KDM5A: variants seen among roughly 807,000 people sequenced by gnomAD.
KDM5A encodes lysine-specific demethylase 5A.
Under a neutral mutation model 193.5 loss-of-function variants are expected in KDM5A, and 42 were observed. The ratio of observed to expected loss-of-function variants is 0.22; its 90% CI spans 0.17 to 0.28. The LOEUF (loss-of-function observed/expected upper bound fraction) is 0.28. Among genes scored for constraint, KDM5A ranks in the 10% least tolerant of loss-of-function variants. The pLI is 1.00. For missense variants in KDM5A, 1,692 were observed against 2,055.1 expected, an observed-to-expected ratio of 0.82 and a Z score of 3.42; for synonymous variants, 796 against 718.1, an observed-to-expected ratio of 1.11 and a Z score of -1.73.
At chr12:288,697 A>G (rs371295662) in intron 27 of KDM5A, among the ~76,000 whole-genome samples, 1 of 152,348 alleles carries the variant, frequency 6.6e-6, no homozygotes, top group East Asian at 1.9e-4. Flanking sequence ...TTTCCTAGCA[A>G]AAGCTGGATT....
chr12:357,454 A>G (rs1043851551), intron 5 of KDM5A, among the ~76,000 whole-genome samples: 2 of 151,744 alleles, frequency 1.3e-5, no homozygotes, highest in African/African-American at 4.8e-5. Flanking sequence ...GCAAGCCATG[A>G]TTGTCCTACC....
chr12:368,601 G>A (rs1280146612), intron 3 of KDM5A, among the ~76,000 whole-genome samples: 1 of 152,102 alleles, frequency 6.6e-6, no homozygotes, highest in Non-Finnish European at 1.5e-5. Context: ...GCATGGTGGT[G>A]CACACCTATC....
rs1257633320 is a variant in KDM5A at position 328,996 on chromosome 12, G to A, written c.1807C>T (p.Arg603Ter). 1.9e-6 allele frequency: 3 copies of A among 1,613,998 alleles called. No individual in the cohort carries two copies. The highest frequency in any genetic ancestry group is 1.7e-6 in the Non-Finnish European group (2 of 1,180,008). Residue 603 changes from arginine to a stop codon, truncating the protein, a stop_gained, in exon 14 of 28, where the codon CGA (arginine) becomes TGA (stop). Transcript: ENST00000399788. LOFTEE classifies it high-confidence loss of function. Reference protein sequence around the residue: ...PIGRQCVNHYRRLRRHCVFSH... With the variant: ...PIGRQCVNHY Reference sequence around the variant, plus strand: ...AAGACACAGTGGCGCCTTAGGCGTCGGTAATGATTTACACATTGACGTCCA... The same window carrying A: ...AAGACACAGTGGCGCCTTAGGCGTCAGTAATGATTTACACATTGACGTCCA...
At chr12:323,229 A>AAAAAAAAAAAAAAG in intron 15 of KDM5A, 23 bp from the exon 16 acceptor site, 2 of 1,495,424 alleles carry the variant, frequency 1.3e-6, no homozygotes, top group South Asian at 2.6e-5. Flanking sequence ...AAAAAAAAAA[A>AAAAAAAAAAAAAAG]AAAAAAAAAA....
chr12:304,753 AATC>A (rs1943484885), intron 24 of KDM5A, among the ~76,000 whole-genome samples: 1 of 152,162 alleles, frequency 6.6e-6, no homozygotes. Flanking sequence ...TAGTCCTGAA[AATC>A]ATCAATACTT....
chr12:288,064 T>C (rs370453068), intron 27 of KDM5A, among the ~76,000 whole-genome samples: 5 of 152,202 alleles, frequency 3.3e-5, no homozygotes, highest in East Asian at 1.9e-4. Flanking sequence ...AGCCTGATAA[T>C]AGAACAAGCA....
chr12:366,125 G>A lies in KDM5A; in HGVS notation c.367-21C>T, dbSNP rs538282583. The A allele has an allele frequency of 6.8e-6, 11 of 1,612,158 alleles. No homozygotes were observed. The South Asian group carries it at 1.1e-4, about 16-fold the overall frequency. On this transcript the variant is annotated intron_variant, in intron 3 of 27. Coordinates refer to ENST00000399788, the MANE Select transcript of KDM5A (RefSeq NM_001042603.3). ...ACAATCTGAAAAGAAAGTAAAAGTT[G>A]CTTAGAGAAAAAAGGCAAATTCAAG...
chr12:306,235 A>C (rs547050224), intron 24 of KDM5A, among the ~76,000 whole-genome samples: 1 of 152,054 alleles, frequency 6.6e-6, no homozygotes, highest in East Asian at 1.9e-4. Context: ...AGTCTCCCCT[A>C]AATTGTTAGG....
chr12:314,746 T>A lies in KDM5A; in HGVS notation c.2898-1552A>T, dbSNP rs368994342. 2.6e-5 allele frequency among the ~76,000 whole-genome samples: 4 copies of A among 152,032 alleles called. No homozygotes were observed. In the East Asian group the frequency reaches 7.7e-4, roughly 29 times the overall value. The stretch of plus-strand genomic sequence containing the variant: ...TAGAGGTACACCACAGGAGATGGGC[T>A]GAAAATAAGAGTGCTCCACAGGAGA... On this transcript the variant is annotated intron_variant, in intron 19 of 27. Coordinates refer to ENST00000399788, the MANE Select transcript of KDM5A (RefSeq NM_001042603.3).
chr12:324,114 C>A (rs373103150), intron 14 of KDM5A, among the ~76,000 whole-genome samples: 1 of 151,944 alleles, frequency 6.6e-6, no homozygotes, highest in African/African-American at 2.4e-5. Context: ...TGAGACCAGC[C>A]GGGGCAACAA....
chr12:386,908 C>CA (rs879867116), intron 1 of KDM5A, among the ~76,000 whole-genome samples: 299 of 132,884 alleles, frequency 2.3e-3, no homozygotes, highest in East Asian at 6.5e-3. Flanking sequence ...TTACCAAGAT[C>CA]AAAAAAAAAA....
chr12:377,455 C>T (rs1223456024), intron 3 of KDM5A, among the ~76,000 whole-genome samples: 1 of 151,424 alleles, frequency 6.6e-6, no homozygotes, highest in Non-Finnish European at 1.5e-5. Flanking sequence ...AATTTCAAAG[C>T]CCTGGGAATA....
At chr12:374,521 T>C (rs1944475095) in intron 3 of KDM5A, among the ~76,000 whole-genome samples, 1 of 152,204 alleles carries the variant, frequency 6.6e-6, no homozygotes, top group Non-Finnish European at 1.5e-5. Context: ...TCTTGACTCT[T>C]TATCCAATTT....
chr12:352,012 G>A (rs1021980129), intron 9 of KDM5A, among the ~76,000 whole-genome samples, 193 bp downstream of exon 9: 3 of 146,000 alleles, frequency 2.1e-5, no homozygotes, highest in African/African-American at 7.7e-5. Context: ...GCTGAGGCAG[G>A]AGAATTACTT....
chr12:384,154 CTAAGAT>C lies in KDM5A; in HGVS notation c.244-7_244-2del. 6.3e-7 allele frequency: 1 copy of C among 1,592,096 alleles called. No homozygotes were observed. Among genetic ancestry groups the C allele is most frequent in the South Asian group, 1.1e-5 (1 of 90,612 alleles). The stretch of plus-strand genomic sequence containing the variant: ...AATCCAATCTCACTCTGGTCATTGC[CTAAGAT>C]TATTAAAATACAGAAGAACTAAGTT... On this transcript the variant is annotated splice_acceptor_variant and splice_polypyrimidine_tract_variant and intron_variant, in intron 2 of 27. Coordinates refer to ENST00000399788, the MANE Select transcript of KDM5A (RefSeq NM_001042603.3). LOFTEE classifies it high-confidence loss of function.
intron 6 of KDM5A, among the ~76,000 whole-genome samples, chr12:355,952 C>T (rs1944225323): frequency 1.3e-5 from 2 of 152,182 alleles, no homozygotes; most frequent in South Asian, 2.1e-4. Context: ...AACTTCCAAA[C>T]GTGAAGCCGA....
intron 5 of KDM5A, among the ~76,000 whole-genome samples, chr12:360,823 T>C (rs1379183228): frequency 1.3e-5 from 2 of 152,126 alleles, no homozygotes; most frequent in Non-Finnish European, 2.9e-5. Context: ...GGAATGGAAT[T>C]CAACAGACAG....
intron 1 of KDM5A, among the ~76,000 whole-genome samples, chr12:387,599 TC>T (rs1438711378): frequency 6.6e-6 from 1 of 152,156 alleles, no homozygotes; most frequent in African/African-American, 2.4e-5. Flanking sequence ...ACAAAGTCAT[TC>T]AACATAGTGA....
At chr12:384,995 GC>G (rs1309680048) in intron 2 of KDM5A, among the ~76,000 whole-genome samples, 2 of 152,076 alleles carry the variant, frequency 1.3e-5, no homozygotes, top group Non-Finnish European at 2.9e-5. Context: ...TTCCAGACCA[GC>G]CTGGCCAACA....
Sources: allele counts gnomAD v4.1 joint callset (sites outside exome capture counted in the v4.1 genomes callset), GRCh38; gene constraint gnomAD v4.1.1; transcripts MANE v1.5; gene names NCBI Gene and HGNC (gene_info 2026-07-23, HGNC 2026-07-21).